Variants in REEP4 observed in about 807,000 individuals in gnomAD.
REEP4 encodes receptor expression-enhancing protein 4.
A neutral mutation model predicts 33.5 loss-of-function variants in REEP4; 17 were observed. The ratio of observed to expected loss-of-function variants is 0.51; its 90% CI spans 0.35 to 0.76. The LOEUF is 0.76. Among genes scored for constraint, REEP4 ranks in the 30% least tolerant of loss-of-function variants. REEP4 has a pLI of 0.01. For synonymous variants in REEP4, 157 were observed against 142.9 expected (o/e 1.10, Z -0.70); for missense variants, 340 against 357.9 (o/e 0.95, Z 0.40).
Position 22,141,627 on chromosome 8 carries a change from G to C in REEP4, c.-145C>G. The C allele has an allele frequency of 1.3e-6, 1 of 783,142 alleles. No homozygotes were observed. The highest frequency in any genetic ancestry group is 3.1e-5 in the East Asian group (1 of 32,546). The allele number at this position is 783,142 out of a possible 1,614,324, so 48.5% of individuals were successfully genotyped here. On this transcript the variant is annotated 5_prime_UTR_variant, in exon 1 of 8. Transcript: ENST00000306306. Reference sequence around the variant, plus strand: ...TCCCTCGGCGGAGGCAGAGCCCGCCGCCCACGGCCTCCGACTGTGCAGTTC... The same window carrying C: ...TCCCTCGGCGGAGGCAGAGCCCGCCCCCCACGGCCTCCGACTGTGCAGTTC...
Position 22,140,075 on chromosome 8 carries a change from A to C in REEP4, c.191T>G (p.Phe64Cys). The change falls in exon 4 of 8, where the codon TTC (phenylalanine) becomes TGC (cysteine). Residue 64 changes from phenylalanine to cysteine, a missense_variant. Coordinates refer to ENST00000306306, the MANE Select transcript of REEP4 (RefSeq NM_025232.4). ...VTDIFISWFPFYYEIKMAFVL... is the reference protein window; with the variant it reads ...VTDIFISWFPCYYEIKMAFVL... The stretch of plus-strand genomic sequence containing the variant: ...GAAGGCCATCTTGATCTCATAGTAG[A>C]AAGGGAACCTGTCACAGCACAAGGG... The C allele has an allele frequency of 6.2e-7, 1 of 1,613,932 alleles. No individual in the cohort carries two copies.
chr8:22,139,261 A>T (rs1376057251), intron 5 of REEP4, 155 bp downstream of exon 5: 1 of 936,278 alleles, frequency 1.1e-6, no homozygotes. Context: ...GGAAGGTCTG[A>T]CTCCAGCTCC....
In REEP4 at chr8:22,140,168, A is replaced by T. The variant is rs772406140; in HGVS notation, c.182+4T>A. 1.2e-6 allele frequency: 2 copies of T among 1,614,086 alleles called. No individual in the cohort carries two copies. The highest frequency in any genetic ancestry group is 2.2e-5 in the East Asian group (1 of 44,886). ...CCCATGGCTTGCGGACCCTGCGTCC[A>T]TACCAGGAGATAAAAATGTCTGTAA... On this transcript the variant is annotated splice_donor_region_variant and intron_variant, in intron 3 of 7. Transcript: ENST00000306306.
rs2131784569 is a variant in REEP4 at position 22,141,722 on chromosome 8, G to C, written c.-240C>G. ...CGGGGAGGAAGCCGACTTGGGAGCG[G>C]GCGCGCCCCGCGGCCGGGGCAGTTA... is the stretch of plus-strand genomic sequence containing the variant. On this transcript the variant is annotated 5_prime_UTR_variant, in exon 1 of 8. Transcript: ENST00000306306. 4.8e-6 allele frequency: 2 copies of C among 420,404 alleles called. No homozygotes were observed. The highest frequency in any genetic ancestry group is 8.4e-6 in the Non-Finnish European group (2 of 238,176). The allele number at this position is 420,404 out of a possible 1,614,324, so 26.0% of individuals were successfully genotyped here. A position where few individuals can be genotyped will look rare whatever the true frequency, so the allele number is the denominator to read the frequency against.
chr8:22,139,110 C>G (rs59742344), intron 5 of REEP4, 49 bp from the exon 6 acceptor site: 1 of 1,555,920 alleles, frequency 6.4e-7, no homozygotes, highest in Non-Finnish European at 8.7e-7. Flanking sequence ...GGGATATTGG[C>G]CAACCAGCTA....
In REEP4 at chr8:22,141,750, G is replaced by A. The variant is rs567586973; in HGVS notation, c.-268C>T. The stretch of plus-strand genomic sequence containing the variant: ...GCGCCCCGCGGCCGGGGCAGTTACA[G>A]CTCCCACCCGCCCTTTCTGCCGCGG... On this transcript the variant is annotated 5_prime_UTR_variant, in exon 1 of 8. Transcript: ENST00000306306. 199 of 406,886 alleles carry A rather than the reference G, an allele frequency of 4.9e-4. 3 individuals are homozygous for A. The South Asian group carries it at 0.013, about 26-fold the overall frequency. The allele number at this position is 406,886 out of a possible 1,614,324, so 25.2% of individuals were successfully genotyped here. A position where few individuals can be genotyped will look rare whatever the true frequency, so the allele number is the denominator to read the frequency against.
intron 4 of REEP4, 106 bp from the exon 5 acceptor site, chr8:22,139,635 C>T (rs1429977425): frequency 2.1e-6 from 2 of 946,170 alleles, no homozygotes; most frequent in East Asian, 2.5e-5. Context: ...CCAGCCCAGC[C>T]CCACCTGGTG....
chr8:22,140,661 G>C lies in REEP4; in HGVS notation c.69C>G (p.Ser23=). Residue 23 remains serine, a synonymous_variant, in exon 2 of 8, where the codon TCC becomes TCG. Coordinates refer to ENST00000306306, the MANE Select transcript of REEP4 (RefSeq NM_025232.4). Reference sequence around the variant, plus strand: ...TGTTCTTGGTCTTCACAGCCTTATAGGAAGCATAAGCTGGACACAGCATCC... The same window carrying C: ...TGTTCTTGGTCTTCACAGCCTTATACGAAGCATAAGCTGGACACAGCATCC... ...VFGMLCPAYA[S]YKAVKTKNIR... The C allele has an allele frequency of 1.2e-6, 2 of 1,613,972 alleles. No individual in the cohort carries two copies. Among genetic ancestry groups the C allele is most frequent in the Non-Finnish European group, 1.7e-6 (2 of 1,179,864 alleles).
intron 5 of REEP4, 22 bp downstream of exon 5, chr8:22,139,394 G>C (rs752524949): frequency 6.3e-6 from 10 of 1,578,306 alleles, no homozygotes; most frequent in Non-Finnish European, 8.6e-6. Flanking sequence ...GGGGCTGCTG[G>C]AGGGCTGGGG....
chr8:22,141,810 C>T lies in REEP4; in HGVS notation c.-328G>A, dbSNP rs1827237042. The T allele has an allele frequency of 6.1e-6, 2 of 327,410 alleles. No individual in the cohort carries two copies. The highest frequency in any genetic ancestry group is 4.3e-5 in the African/African-American group (2 of 46,604). The allele number at this position is 327,410 out of a possible 1,614,324, so 20.3% of individuals were successfully genotyped here. On this transcript the variant is annotated 5_prime_UTR_variant, in exon 1 of 8. Coordinates refer to ENST00000306306, the MANE Select transcript of REEP4 (RefSeq NM_025232.4). Reference sequence around the variant, plus strand: ...CGCTCGGCCCTTGCTGCTGGTCCCGCGCTGGAGCGGGTCGCCGCGGTTCCA... The same window carrying T: ...CGCTCGGCCCTTGCTGCTGGTCCCGTGCTGGAGCGGGTCGCCGCGGTTCCA...
Position 22,139,976 on chromosome 8 carries a change from G to C in REEP4, c.290C>G (p.Ser97Cys). 5 of 1,581,924 alleles carry C rather than the reference G, an allele frequency of 3.2e-6. No homozygotes were observed. Among genetic ancestry groups the C allele is most frequent in the Non-Finnish European group, 4.3e-6 (5 of 1,162,476 alleles). ...LYRKFVHPSL[S>C]RHEKEIDAYI... The stretch of plus-strand genomic sequence containing the variant: ...CCCCTGGGGTACCTTCTCATGGCGG[G>C]ACAGGGACGGGTGGACAAACTTGCG... Residue 97 changes from serine (S) to cysteine (C), a missense_variant, in exon 4 of 8, where the codon TCC becomes TGC. Physicochemically the swap from Ser to Cys is moderately radical, Grantham distance 112. Coordinates refer to ENST00000306306, the MANE Select transcript of REEP4 (RefSeq NM_025232.4).
Position 22,141,656 on chromosome 8 carries a change from G to A in REEP4, c.-174C>T, listed in dbSNP as rs371126611. ...ACGGCCTCCGACTGTGCAGTTCAGG[G>A]GACCTGGAGAATGGGGAGACCCGAG... On this transcript the variant is annotated 5_prime_UTR_variant, in exon 1 of 8. Transcript: ENST00000306306. 4.3e-5 allele frequency: 24 copies of A among 555,160 alleles called. No homozygotes were observed. Among genetic ancestry groups the A allele is most frequent in the East Asian group, 2.4e-4 (7 of 28,806 alleles). 34.4% of individuals were successfully genotyped at this position (555,160 alleles called of 1,614,324 possible). A position where few individuals can be genotyped will look rare whatever the true frequency, so the allele number is the denominator to read the frequency against.
rs188005737 is a variant in REEP4, at chr8:22,139,541, A to G, written c.304-12T>C. The G allele has an allele frequency of 8.4e-4, 1,334 of 1,592,732 alleles. 1 individual carries two copies. Among genetic ancestry groups the G allele is most frequent in the Non-Finnish European group, 1.1e-3 (1,230 of 1,168,182 alleles). On this transcript the variant is annotated splice_polypyrimidine_tract_variant and intron_variant, in intron 4 of 7. Coordinates refer to ENST00000306306, the MANE Select transcript of REEP4 (RefSeq NM_025232.4). ...TACGCGTCGATCTCCTGTGGACCCA[A>G]TGGGGAGGAGAGCTCAGGTGGACAG...
Position 22,139,487 on chromosome 8 carries a change from C to T in REEP4, c.346G>A (p.Glu116Lys), listed in dbSNP as rs748892912. 2.2e-5 allele frequency: 35 copies of T among 1,610,688 alleles called. No homozygotes were observed. Among genetic ancestry groups the T allele is most frequent in the Admixed American group, 2.0e-4 (12 of 59,970 alleles). Residue 116 changes from glutamate (E) to lysine (K), a missense_variant, in exon 5 of 8, where the codon GAG (glutamate) becomes AAG (lysine). Transcript: ENST00000306306. ...YIVQAKERSY[E>K]TVLSFGKRGL... The stretch of plus-strand genomic sequence containing the variant: ...CGCTTCCCGAAGCTGAGCACGGTCT[C>T]GTAGCTGCGCTCCTTGGCCTGCACG...
rs745446432 is a variant in REEP4, at chr8:22,139,975, G to C, written c.291C>G (p.Ser97=). 1 of 1,581,208 alleles carries C rather than the reference G, an allele frequency of 6.3e-7. No homozygotes were observed. The highest frequency in any genetic ancestry group is 1.8e-5 in the Admixed American group (1 of 55,586). ...LYRKFVHPSL[S]RHEKEIDAYI... is the part of the protein sequence containing the mutation. ...CCCCCTGGGGTACCTTCTCATGGCG[G>C]GACAGGGACGGGTGGACAAACTTGC... Residue 97 remains serine (S), a synonymous_variant, in exon 4 of 8, where the codon TCC becomes TCG. Transcript: ENST00000306306.
At position 22,141,731 on chromosome 8, in the gene REEP4, C is replaced by A; in HGVS notation, c.-249G>T. ...AGCCGACTTGGGAGCGGGCGCGCCC[C>A]GCGGCCGGGGCAGTTACAGCTCCCA... On this transcript the variant is annotated 5_prime_UTR_variant, in exon 1 of 8. Coordinates refer to ENST00000306306, the MANE Select transcript of REEP4 (RefSeq NM_025232.4). The A allele has an allele frequency of 2.4e-6, 1 of 417,772 alleles. No homozygotes were observed. The highest frequency in any genetic ancestry group is 4.2e-6 in the Non-Finnish European group (1 of 236,272). The allele number at this position is 417,772 out of a possible 1,614,324, so 25.9% of individuals were successfully genotyped here.
chr8:22,141,820 G>T lies in REEP4; in HGVS notation c.-338C>A, dbSNP rs1827237393. 3.2e-6 allele frequency: 1 copy of T among 313,068 alleles called. No homozygotes were observed. The highest frequency in any genetic ancestry group is 2.2e-5 in the African/African-American group (1 of 46,244). The allele number at this position is 313,068 out of a possible 1,614,324, so 19.4% of individuals were successfully genotyped here. A position where few individuals can be genotyped will look rare whatever the true frequency, so the allele number is the denominator to read the frequency against. On this transcript the variant is annotated 5_prime_UTR_variant, in exon 1 of 8. Coordinates refer to ENST00000306306, the MANE Select transcript of REEP4 (RefSeq NM_025232.4). ...TTGCTGCTGGTCCCGCGCTGGAGCG[G>T]GTCGCCGCGGTTCCAGCGCGCCGGG...
chr8:22,138,373 G>T lies in REEP4; in HGVS notation c.*114C>A. The T allele has an allele frequency of 3.2e-6, 4 of 1,253,418 alleles. No individual in the cohort carries two copies. The highest frequency in any genetic ancestry group is 1.5e-5 in the African/African-American group (1 of 68,028). The allele number at this position is 1,253,418 out of a possible 1,614,324, so 77.6% of individuals were successfully genotyped here. On this transcript the variant is annotated 3_prime_UTR_variant, in exon 8 of 8. Coordinates refer to ENST00000306306, the MANE Select transcript of REEP4 (RefSeq NM_025232.4). Reference sequence around the variant, plus strand: ...CCTTAACCATCAGCAGGAGTCAGGAGGGTGGGGCCCAGGCAGCTGGTGCAG... The same window carrying T: ...CCTTAACCATCAGCAGGAGTCAGGATGGTGGGGCCCAGGCAGCTGGTGCAG...
chr8:22,140,123 G>T, intron 3 of REEP4, 40 bp from the exon 4 acceptor site: 1 of 1,614,160 alleles, frequency 6.2e-7, no homozygotes, highest in Non-Finnish European at 8.5e-7. Context: ...AAGGAGCAGG[G>T]CTGGGGGGGC....
Sources: gnomAD v4.1 joint callset for allele counts on GRCh38, gnomAD v4.1.1 for gene constraint, MANE v1.5 for transcripts, NCBI Gene and HGNC (gene_info 2026-07-23, HGNC 2026-07-21) for gene names.